The following SPATA33 variants were observed in gnomAD, a reference collection of about 807,000 sequenced individuals.
SPATA33 encodes spermatogenesis associated 33.
In SPATA33, 10 loss-of-function variants were observed where a neutral mutation model predicts 8.9. The ratio of observed to expected loss-of-function variants is 1.12; its 90% CI spans 0.69 to 1.90. SPATA33 has a LOEUF of 1.90. Ranked by LOEUF, SPATA33 falls within the 40% of genes most tolerant of loss-of-function variation. The probability of loss-of-function intolerance (pLI) is 0.00; values close to 1 mark genes in which losing one functional copy is unlikely to be tolerated. For synonymous variants in SPATA33, 96 were observed against 72.8 expected (o/e 1.32, Z -1.63); for missense variants, 241 against 178.3 (o/e 1.35, Z -2.00).
At chr16:89,663,921 C>G (rs2059993075) in intron 2 of SPATA33, among the ~76,000 whole-genome samples, 1 of 152,148 alleles carries the variant, frequency 6.6e-6, no homozygotes. Context: ...AAGTTCAAGA[C>G]CAGCCTGGGC....
At chr16:89,663,492 G>T (rs1052985264) in intron 2 of SPATA33, among the ~76,000 whole-genome samples, 3 of 152,108 alleles carry the variant, frequency 2.0e-5, no homozygotes, top group African/African-American at 7.2e-5. Flanking sequence ...TGATCCGCTT[G>T]CCTCGGCCTC....
intron 2 of SPATA33, among the ~76,000 whole-genome samples, chr16:89,663,002 C>G (rs970197072): frequency 1.3e-5 from 2 of 150,590 alleles, no homozygotes; most frequent in African/African-American, 4.9e-5. Context: ...CCATGTTGGT[C>G]AGGCTGGTCT....
At chr16:89,665,362 A>G (rs549023592) in intron 2 of SPATA33, among the ~76,000 whole-genome samples, 7 of 151,556 alleles carry the variant, frequency 4.6e-5, no homozygotes, top group African/African-American at 1.2e-4. Context: ...CTGGACTGCA[A>G]TGGTGCATCT....
intron 2 of SPATA33, among the ~76,000 whole-genome samples, chr16:89,664,441 T>C (rs1445261743): frequency 6.6e-6 from 1 of 152,180 alleles, no homozygotes; most frequent in Non-Finnish European, 1.5e-5. Flanking sequence ...GAGGGAGGTG[T>C]GTCTCTCCTG....
intron 2 of SPATA33, chr16:89,661,294 G>A: frequency 2.5e-6 from 2 of 786,066 alleles, no homozygotes; most frequent in Non-Finnish European, 3.1e-6. Flanking sequence ...TTGAATTATG[G>A]GGGCAGGTCT....
chr16:89,668,318 TAAG>T (rs1301182260), intron 2 of SPATA33, among the ~76,000 whole-genome samples: 5 of 152,168 alleles, frequency 3.3e-5, no homozygotes, highest in Admixed American at 2.0e-4. Context: ...TCTCAAAAAC[TAAG>T]AAGAAGATTA....
At chr16:89,667,311 A>G (rs941492553) in intron 2 of SPATA33, among the ~76,000 whole-genome samples, 2 of 152,180 alleles carry the variant, frequency 1.3e-5, no homozygotes, top group African/African-American at 4.8e-5. Context: ...CTGTCTCTGT[A>G]TGACCTGGTT....
At chr16:89,667,798 C>A (rs962698010) in intron 2 of SPATA33, among the ~76,000 whole-genome samples, 2 of 152,050 alleles carry the variant, frequency 1.3e-5, no homozygotes, top group African/African-American at 4.8e-5. Flanking sequence ...GTCTGACTAG[C>A]CTTAGGCAGG....
At chr16:89,666,639 G>A (rs1004757122) in intron 2 of SPATA33, among the ~76,000 whole-genome samples, 4 of 152,124 alleles carry the variant, frequency 2.6e-5, no homozygotes, top group East Asian at 3.9e-4. Context: ...AGCTGGGCCC[G>A]GGGGACCACT....
chr16:89,661,108 T>TG (rs1185261291), intron 2 of SPATA33: 1 of 985,394 alleles, frequency 1.0e-6, no homozygotes, highest in Non-Finnish European at 1.2e-6. Flanking sequence ...TGCTGAGGTT[T>TG]GGGGTAAGTT....
intron 2 of SPATA33, chr16:89,660,176 G>GC (rs1488437560): frequency 1.8e-5 from 4 of 218,174 alleles, no homozygotes; most frequent in African/African-American, 9.1e-5. Flanking sequence ...AGTGTCCACA[G>GC]CCCCCGATGA....
intron 2 of SPATA33, 61 bp from the exon 3 acceptor site, chr16:89,669,225 T>C: frequency 6.8e-7 from 1 of 1,464,210 alleles, no homozygotes; most frequent in Non-Finnish European, 9.6e-7. Flanking sequence ...GCAGGAGGTG[T>C]GTGCATCGTG....
In SPATA33 at chr16:89,657,917, C is replaced by A. The variant is rs956575719; in HGVS notation, c.6C>A (p.Gly2=). The A allele has an allele frequency of 2.0e-5, 30 of 1,519,272 alleles. No homozygotes were observed. The highest frequency in any genetic ancestry group is 2.5e-5 in the Non-Finnish European group (28 of 1,140,614). The allele number at this position is 1,519,272 out of a possible 1,614,324, so 94.1% of individuals were successfully genotyped here. M[G]LSKSKEKPRK... ...AGGGGGCGGTGGGCTCACCCATGGG[C>A]CTTTCCAAAAGCAAAGAGAAACCCA... Residue 2 remains glycine (G), a synonymous_variant, in exon 1 of 3, where the codon GGC becomes GGA. Transcript: ENST00000579310.
intron 2 of SPATA33, chr16:89,661,219 G>C: frequency 1.0e-6 from 1 of 985,330 alleles, no homozygotes; most frequent in Non-Finnish European, 1.2e-6. Context: ...GATGTGGCTT[G>C]GCTGTGTCCT....
intron 2 of SPATA33, 70 bp downstream of exon 2, chr16:89,658,491 T>C: frequency 6.5e-7 from 1 of 1,532,374 alleles, no homozygotes. Context: ...GTGAGGAGCC[T>C]ACTGTAAGAC....
chr16:89,669,010 G>A (rs1026332277), intron 2 of SPATA33, among the ~76,000 whole-genome samples: 26 of 152,116 alleles, frequency 1.7e-4, no homozygotes, highest in Non-Finnish European at 8.8e-5. Flanking sequence ...TCCTTTGCTG[G>A]TCGCCCTGAC....
intron 1 of SPATA33, 142 bp downstream of exon 1, chr16:89,658,090 C>T (rs2059906328): frequency 1.4e-6 from 2 of 1,480,322 alleles, no homozygotes; most frequent in Non-Finnish European, 1.8e-6. Flanking sequence ...GAGTCCGCCA[C>T]GGACGGCGCG....
intron 2 of SPATA33, among the ~76,000 whole-genome samples, chr16:89,665,971 T>G (rs1205969555): frequency 6.6e-6 from 1 of 151,992 alleles, no homozygotes; most frequent in African/African-American, 2.4e-5. Flanking sequence ...TGCCAGCTAC[T>G]TGGGGAGGCT....
chr16:89,663,264 G>C (rs910291945), intron 2 of SPATA33, among the ~76,000 whole-genome samples: 1 of 147,876 alleles, frequency 6.8e-6, no homozygotes, highest in Admixed American at 6.8e-5. Flanking sequence ...TTTTAGGCTG[G>C]AGTGCAAATG....
Sources: allele counts gnomAD v4.1 joint callset (sites outside exome capture counted in the v4.1 genomes callset), GRCh38; gene constraint gnomAD v4.1.1; transcripts MANE v1.5; gene names NCBI Gene and HGNC (gene_info 2026-07-23, HGNC 2026-07-21).